Variants in TOMM34 observed in about 807,000 individuals in gnomAD.
The protein encoded by TOMM34 is mitochondrial import receptor subunit TOM34.
In TOMM34, 24 loss-of-function variants were observed where a neutral mutation model predicts 37.4. The ratio of observed to expected loss-of-function variants is 0.64; its 90% CI spans 0.46 to 0.90. The LOEUF is 0.90. TOMM34 is among the 40% of genes least tolerant of loss of function. The pLI is 0.00. For missense variants in TOMM34, 304 were observed against 375.6 expected, an observed-to-expected ratio of 0.81 and a Z score of 1.58; for synonymous variants, 154 against 148.9, an observed-to-expected ratio of 1.03 and a Z score of -0.25.
chr20:44,944,976 T>G (rs2066967981), intron 5 of TOMM34, among the ~76,000 whole-genome samples: 1 of 152,212 alleles, frequency 6.6e-6, no homozygotes, highest in Non-Finnish European at 1.5e-5. Context: ...CACATAAGAA[T>G]ACCTTCCCCA....
chr20:44,948,819 A>G lies in TOMM34; in HGVS notation c.609T>C (p.Leu203=). The G allele has an allele frequency of 6.2e-7, 1 of 1,614,078 alleles. No homozygotes were observed. The highest frequency in any genetic ancestry group is 8.5e-7 in the Non-Finnish European group (1 of 1,180,000). Residue 203 remains leucine, a synonymous_variant, in exon 5 of 7, where the codon CTT becomes CTC. Transcript: ENST00000372813. The part of the protein sequence containing the change: ...ARVLKEEGNE[L]VKKGNHKKAI... ...CTTTCTTATGGTTTCCCTTCTTTAC[A>G]AGCTCATTGCCTTCTTCCTTCAGAA...
At chr20:44,952,431 ACTC>A (rs1266214398) in intron 3 of TOMM34, among the ~76,000 whole-genome samples, 1 of 151,864 alleles carries the variant, frequency 6.6e-6, no homozygotes, top group East Asian at 1.9e-4. Flanking sequence ...AAATCTTACA[ACTC>A]CTCAGGGGTT....
rs772546067 is a variant in TOMM34, at chr20:44,951,916, T to C, written c.467A>G (p.Lys156Arg). 1 of 1,614,134 alleles carries C rather than the reference T, an allele frequency of 6.2e-7. No individual in the cohort carries two copies. Among genetic ancestry groups the C allele is most frequent in the Non-Finnish European group, 8.5e-7 (1 of 1,179,988 alleles). Residue 156 changes from lysine (K) to arginine (R), a missense_variant, in exon 4 of 7, where the codon AAG (lysine) becomes AGG (arginine). Lys to Arg is a conservative substitution (Grantham distance 26). Transcript: ENST00000372813. ...SIPLVPVSAQ[K>R]RWNSLPSENH... ...CTCCGAAGGCAAGGAATTCCACCTC[T>C]TCTGAGCTGAAACAGGCACCAAGGG...
At chr20:44,949,602 A>G (rs1480761111) in intron 4 of TOMM34, among the ~76,000 whole-genome samples, 2 of 152,174 alleles carry the variant, frequency 1.3e-5, no homozygotes, top group African/African-American at 2.4e-5. Context: ...GCTCCATATC[A>G]TCTGCTTTTC....
chr20:44,949,292 G>C (rs537008065), intron 4 of TOMM34, among the ~76,000 whole-genome samples: 2 of 152,284 alleles, frequency 1.3e-5, no homozygotes, highest in South Asian at 4.1e-4. Flanking sequence ...CTGAGAGTAT[G>C]TAAGAAAGTA....
intron 5 of TOMM34, among the ~76,000 whole-genome samples, chr20:44,946,734 A>G (rs982018200): frequency 6.6e-6 from 1 of 152,246 alleles, no homozygotes; most frequent in Non-Finnish European, 1.5e-5. Flanking sequence ...GTGGAGCATT[A>G]GACTATGTCC....
At position 44,960,358 on chromosome 20, in the gene TOMM34, G is replaced by A. The variant is rs1193577845; in HGVS notation, c.-25C>T. The A allele has an allele frequency of 9.1e-6, 14 of 1,541,968 alleles. No individual in the cohort carries two copies. The Admixed American group carries it at 1.3e-4, about 15-fold the overall frequency. ...TCCCGTGGCCAGGCCGGCGAGTTGG[G>A]AGCTCCTTCCTTCCTCCCCCGTGTG... On this transcript the variant is annotated 5_prime_UTR_variant, in exon 1 of 7. Coordinates refer to ENST00000372813, the MANE Select transcript of TOMM34 (RefSeq NM_006809.5).
At chr20:44,945,735 G>A (rs2066975267) in intron 5 of TOMM34, among the ~76,000 whole-genome samples, 1 of 152,218 alleles carries the variant, frequency 6.6e-6, no homozygotes, top group South Asian at 2.1e-4. Context: ...CTGCATGAGA[G>A]ACCCCAAATG....
At chr20:44,952,965 T>A (rs1377143811) in intron 3 of TOMM34, among the ~76,000 whole-genome samples, 2 of 151,990 alleles carry the variant, frequency 1.3e-5, no homozygotes, top group Non-Finnish European at 2.9e-5. Flanking sequence ...ATACCCCAAA[T>A]ACAAACCTAC....
intron 3 of TOMM34, 139 bp from the exon 4 acceptor site, chr20:44,952,141 G>T: frequency 1.0e-6 from 1 of 956,328 alleles, no homozygotes; most frequent in Non-Finnish European, 1.5e-6. Flanking sequence ...CACCTCTTTA[G>T]CTCCTCCAAC....
intron 5 of TOMM34, among the ~76,000 whole-genome samples, chr20:44,946,152 A>G (rs2066979359): frequency 6.6e-6 from 1 of 152,110 alleles, no homozygotes; most frequent in Admixed American, 6.5e-5. Flanking sequence ...AGCCACCTCT[A>G]AACATAGAGG....
chr20:44,955,803 C>T (rs1242013771), intron 2 of TOMM34, among the ~76,000 whole-genome samples: 1 of 152,168 alleles, frequency 6.6e-6, no homozygotes, highest in East Asian at 1.9e-4. Context: ...CTGGCTATCA[C>T]CAGGGCAGGA....
At chr20:44,959,900 C>G in intron 1 of TOMM34, 2 of 983,118 alleles carry the variant, frequency 2.0e-6, no homozygotes, top group Non-Finnish European at 2.4e-6. Context: ...TCTTGTTACA[C>G]AGGCGGTATA....
intron 4 of TOMM34, among the ~76,000 whole-genome samples, chr20:44,949,511 G>A (rs1305508257): frequency 6.6e-6 from 1 of 152,186 alleles, no homozygotes; most frequent in Non-Finnish European, 1.5e-5. Flanking sequence ...AGGAAGCAGA[G>A]GGAACATGGT....
At chr20:44,959,395 G>A (rs539799086) in intron 1 of TOMM34, among the ~76,000 whole-genome samples, 1 of 152,284 alleles carries the variant, frequency 6.6e-6, no homozygotes, top group Non-Finnish European at 1.5e-5. Flanking sequence ...GAACTGGTAA[G>A]AATATGCTAT....
chr20:44,954,660 C>T (rs79971428), intron 3 of TOMM34, among the ~76,000 whole-genome samples: 1,889 of 152,284 alleles, frequency 0.012, 43 homozygotes, highest in African/African-American at 0.043. Context: ...TGTCCACAAA[C>T]CATATCCTTT....
chr20:44,955,728 A>C, intron 2 of TOMM34: 1 of 434,808 alleles, frequency 2.3e-6, no homozygotes, highest in South Asian at 1.6e-5. Context: ...GAAATCTGGC[A>C]CAAGGCATGG....
At chr20:44,955,660 C>A in intron 2 of TOMM34, 1 of 457,284 alleles carries the variant, frequency 2.2e-6, no homozygotes, top group Non-Finnish European at 4.4e-6. Flanking sequence ...CAACCAAGTT[C>A]TGGCCTGGGA....
At chr20:44,955,521 G>GT (rs894676128) in intron 2 of TOMM34, 16 of 511,064 alleles carry the variant, frequency 3.1e-5, no homozygotes, top group African/African-American at 1.9e-4. Flanking sequence ...ATGCTACTAT[G>GT]TTTTTTTACA....
Sources: gnomAD v4.1 joint callset for allele counts (sites outside exome capture counted in the v4.1 genomes callset) on GRCh38, gnomAD v4.1.1 for gene constraint, MANE v1.5 for transcripts, NCBI Gene and HGNC (gene_info 2026-07-23, HGNC 2026-07-21) for gene names.